Variants in BCKDK observed in about 807,000 individuals in gnomAD.
BCKDK encodes the protein branched-chain alpha-ketoacid dehydrogenase kinase.
BCKDK carries 28 observed loss-of-function variants against 43.9 expected under a neutral mutation model. That is an observed-to-expected ratio of 0.64 (90% CI 0.47 to 0.87). BCKDK has a LOEUF of 0.87. Among genes scored for constraint, BCKDK ranks in the 40% least tolerant of loss-of-function variants. The pLI is 0.00. For synonymous variants in BCKDK, 257 were observed against 234.3 expected (o/e 1.10, Z -0.88); for missense variants, 483 against 581.4 (o/e 0.83, Z 1.74).
At position 31,112,384 on chromosome 16, in the gene BCKDK, C is replaced by T; in HGVS notation, c.*119C>T. 6.7e-7 allele frequency: 1 copy of T among 1,487,122 alleles called. No individual in the cohort carries two copies. The highest frequency in any genetic ancestry group is 9.2e-7 in the Non-Finnish European group (1 of 1,088,542). 92.1% of individuals were successfully genotyped at this position (1,487,122 alleles called of 1,614,324 possible). On this transcript the variant is annotated 3_prime_UTR_variant, in exon 12 of 12. Transcript: ENST00000219794. The surrounding 1 kb of genome is among the most constrained non-coding windows in gnomAD (Gnocchi z 5.0). The stretch of plus-strand genomic sequence containing the variant: ...CTGCTGCATCTTGGGTCTCAGGGAC[C>T]CAGACAGATGGACTTACATGGAGCT...
intron 10 of BCKDK, 37 bp downstream of exon 10, chr16:31,111,426 G>C (rs772364078): frequency 6.9e-6 from 11 of 1,597,862 alleles, no homozygotes; most frequent in Non-Finnish European, 8.6e-6. Context: ...AGGTGGATGG[G>C]ATGGGGGTCT....
Position 31,111,084 on chromosome 16 carries a change from T to C in BCKDK, c.717-7T>C. ...GCCCCTGACTGAACCCTCGCTCCTATCCGCAGACGCCTGTGTGAGCACAAG... is the reference window on the plus strand; with the variant it reads ...GCCCCTGACTGAACCCTCGCTCCTACCCGCAGACGCCTGTGTGAGCACAAG... On this transcript the variant is annotated splice_region_variant and splice_polypyrimidine_tract_variant and intron_variant, in intron 8 of 11. Coordinates refer to ENST00000219794, the MANE Select transcript of BCKDK (RefSeq NM_005881.4). The C allele has an allele frequency of 1.2e-6, 2 of 1,613,852 alleles. No homozygotes were observed. The highest frequency in any genetic ancestry group is 2.2e-5 in the East Asian group (1 of 44,882).
chr16:31,112,311 C>T lies in BCKDK; in HGVS notation c.*46C>T, dbSNP rs575425151. 6.2e-7 allele frequency: 1 copy of T among 1,601,592 alleles called. No individual in the cohort carries two copies. Among genetic ancestry groups the T allele is most frequent in the East Asian group, 2.2e-5 (1 of 44,862 alleles). ...TCACCCGACCAGCCTGGGCCGCATT[C>T]CCTGCAGGACCTCCCGGGTCAGGCA... On this transcript the variant is annotated 3_prime_UTR_variant, in exon 12 of 12. Coordinates refer to ENST00000219794, the MANE Select transcript of BCKDK (RefSeq NM_005881.4). The surrounding 1 kb of genome is among the most constrained non-coding windows in gnomAD (Gnocchi z 5.0).
chr16:31,109,850 C>G lies in BCKDK; in HGVS notation c.375+67C>G, dbSNP rs2057395901. Reference sequence around the variant, plus strand: ...CGGGGGCAAGTGGGGAGTCTGGGGCCCAGAGTGGCAGACGATTGCTTGCCT... The same window carrying G: ...CGGGGGCAAGTGGGGAGTCTGGGGCGCAGAGTGGCAGACGATTGCTTGCCT... On this transcript the variant is annotated intron_variant, in intron 4 of 11. Transcript: ENST00000219794. The surrounding 1 kb of genome is among the most constrained non-coding windows in gnomAD (Gnocchi z 5.3). 1.3e-6 allele frequency: 2 copies of G among 1,533,926 alleles called. No individual in the cohort carries two copies. The highest frequency in any genetic ancestry group is 1.8e-6 in the Non-Finnish European group (2 of 1,109,746).
downstream of BCKDK, chr16:31,117,560 A>G (rs901379321): frequency 4.3e-5 from 34 of 792,462 alleles, no homozygotes; most frequent in African/African-American, 5.6e-4. Context: ...ACAGAAGCCA[A>G]TCGGCTCCTG....
At chr16:31,114,475 T>C (rs1463194926), downstream of BCKDK, among the ~76,000 whole-genome samples, 2 of 151,998 alleles carry the variant, frequency 1.3e-5, no homozygotes, top group Non-Finnish European at 2.9e-5. Context: ...CCTCCCAAAG[T>C]GCCAGGATTA....
Position 31,109,250 on chromosome 16 carries a change from C to G in BCKDK, c.27C>G (p.Ser9Arg). The change falls in exon 2 of 12, where the codon AGC (serine) becomes AGG (arginine). Residue 9 changes from serine (S) to arginine (R), a missense_variant. Physicochemically the swap from Ser to Arg is moderately radical, Grantham distance 110. Transcript: ENST00000219794. The surrounding 1 kb of genome is among the most constrained non-coding windows in gnomAD (Gnocchi z 5.3). MILASVLR[S>R]GPGGGLPLRP... ...TGATCCTGGCGTCGGTGCTGAGGAG[C>G]GGTCCCGGGGGCGGGCTTCCGCTCC... 6.5e-7 allele frequency: 1 copy of G among 1,535,582 alleles called. No individual in the cohort carries two copies. Among genetic ancestry groups the G allele is most frequent in the Non-Finnish European group, 8.7e-7 (1 of 1,143,682 alleles).
chr16:31,112,678 G>A lies in BCKDK; in HGVS notation c.*413G>A, dbSNP rs946741275. ...CGTGTCCCAGTCTCTTACCTGCCCT[G>A]AGAGCCTGGCAGGCCAGGAGTAGAA... On this transcript the variant is annotated 3_prime_UTR_variant, in exon 12 of 12. Transcript: ENST00000219794. This position sits in a 1 kb window ranked among gnomAD's most constrained non-coding sequence, Gnocchi z 5.0. The A allele has an allele frequency of 2.8e-6, 1 of 352,588 alleles. No individual in the cohort carries two copies. Among genetic ancestry groups the A allele is most frequent in the Admixed American group, 4.3e-5 (1 of 23,362 alleles). The allele number at this position is 352,588 out of a possible 1,614,324, so 21.8% of individuals were successfully genotyped here.
Position 31,110,362 on chromosome 16 carries a change from T to A in BCKDK, c.543+38T>A. On this transcript the variant is annotated intron_variant, in intron 6 of 11. Coordinates refer to ENST00000219794, the MANE Select transcript of BCKDK (RefSeq NM_005881.4). This position sits in a 1 kb window ranked among gnomAD's most constrained non-coding sequence, Gnocchi z 5.4. ...AAGGAGAGGCCGGGCCTGCTGGGGG[T>A]GGGAAGGGCACGGGATTCTGAGACC... The A allele has an allele frequency of 6.2e-7, 1 of 1,612,980 alleles. No individual in the cohort carries two copies. The highest frequency in any genetic ancestry group is 8.5e-7 in the Non-Finnish European group (1 of 1,179,740).
chr16:31,116,097 T>A (rs2057444054), downstream of BCKDK, among the ~76,000 whole-genome samples: 1 of 148,312 alleles, frequency 6.7e-6, no homozygotes, highest in Non-Finnish European at 1.5e-5. Flanking sequence ...TATTTTTTTT[T>A]AGTAGAGACG....
At position 31,110,690 on chromosome 16, in the gene BCKDK, T is replaced by G; in HGVS notation, c.645T>G (p.Pro215=). ...THHLALHEDK[P]DFVGIICTRL... is the part of the protein sequence containing the mutation. ...CCTGACCTCCTTTCTCCGGCCAGCCTGACTTTGTCGGCATCATCTGTACTC... is the reference window on the plus strand; with the variant it reads ...CCTGACCTCCTTTCTCCGGCCAGCCGGACTTTGTCGGCATCATCTGTACTC... The change falls in exon 8 of 12, where the codon CCT becomes CCG. Residue 215 remains proline, a splice_region_variant and synonymous_variant. Coordinates refer to ENST00000219794, the MANE Select transcript of BCKDK (RefSeq NM_005881.4). This position sits in a 1 kb window ranked among gnomAD's most constrained non-coding sequence, Gnocchi z 5.4. The G allele has an allele frequency of 6.2e-7, 1 of 1,614,084 alleles. No homozygotes were observed. Among genetic ancestry groups the G allele is most frequent in the Non-Finnish European group, 8.5e-7 (1 of 1,180,002 alleles).
downstream of BCKDK, among the ~76,000 whole-genome samples, chr16:31,116,393 A>T (rs1018048163): frequency 6.7e-6 from 1 of 149,328 alleles, no homozygotes; most frequent in African/African-American, 2.5e-5. Flanking sequence ...TTGTATTTTT[A>T]GTAGAGACGG....
In BCKDK at chr16:31,110,092, C is replaced by T. The variant is rs1347210745; in HGVS notation, c.391C>T (p.Arg131Cys). Reference sequence around the variant, plus strand: ...TTCCTTGCAGCATGAGCTATATATCCGTGCCTTCCAGAAGCTGACAGACTT... The same window carrying T: ...TTCCTTGCAGCATGAGCTATATATCTGTGCCTTCCAGAAGCTGACAGACTT... ...TILHVHELYI[R>C]AFQKLTDFPP... The change falls in exon 5 of 12, where the codon CGT becomes TGT. Residue 131 changes from arginine (R) to cysteine (C), a missense_variant. By Grantham distance (180) the Arg-to-Cys change is radical. Transcript: ENST00000219794. The surrounding 1 kb of genome is among the most constrained non-coding windows in gnomAD (Gnocchi z 5.4). 2.6e-5 allele frequency: 42 copies of T among 1,614,024 alleles called. No homozygotes were observed. Among genetic ancestry groups the T allele is most frequent in the African/African-American group, 2.3e-4 (17 of 74,900 alleles).
chr16:31,115,159 G>A (rs201491552), downstream of BCKDK, among the ~76,000 whole-genome samples: 1 of 151,520 alleles, frequency 6.6e-6, no homozygotes, highest in African/African-American at 2.4e-5. Context: ...CTGACCTCAA[G>A]TAATCCACCT....
chr16:31,111,807 TG>T (rs1208643695), intron 10 of BCKDK, 61 bp from the exon 11 acceptor site: 11 of 1,595,746 alleles, frequency 6.9e-6, no homozygotes, highest in African/African-American at 1.3e-5. Context: ...ACTGTCTGCT[TG>T]GGGGGTGGTG....
chr16:31,116,916 CAA>C (rs1167389057), downstream of BCKDK, among the ~76,000 whole-genome samples: 3 of 89,876 alleles, frequency 3.3e-5, no homozygotes, highest in African/African-American at 4.8e-5. Context: ...GACTCCATCT[CAA>C]AAAAAAAAAA....
downstream of BCKDK, among the ~76,000 whole-genome samples, chr16:31,113,063 A>G (rs893075277): frequency 1.3e-5 from 2 of 152,232 alleles, no homozygotes; most frequent in African/African-American, 4.8e-5. Context: ...CCCTGATAGA[A>G]AGGACCAAGG....
At chr16:31,111,724 A>G in intron 10 of BCKDK, 145 bp from the exon 11 acceptor site, 2 of 1,101,044 alleles carry the variant, frequency 1.8e-6, no homozygotes, top group Non-Finnish European at 2.6e-6. Context: ...TGAGGATGAT[A>G]TAAACAAGGC....
downstream of BCKDK, chr16:31,117,394 A>AAATTAATT (rs1275347362): frequency 1.4e-5 from 3 of 211,452 alleles, no homozygotes; most frequent in African/African-American, 7.0e-5. Context: ...ATAAATAAAT[A>AAATTAATT]AATAAATTAA....
Sources: allele counts gnomAD v4.1 joint callset (sites outside exome capture counted in the v4.1 genomes callset), GRCh38; gene constraint gnomAD v4.1.1; non-coding constraint Gnocchi (gnomAD v3.1); transcripts MANE v1.5; gene names NCBI Gene and HGNC (gene_info 2026-07-23, HGNC 2026-07-21).